Variants in CPN1 observed in about 807,000 individuals in gnomAD.
The protein encoded by CPN1 is carboxypeptidase N catalytic chain.
CPN1 carries 37 observed loss-of-function variants against 46.4 expected under a neutral mutation model. The ratio of observed to expected loss-of-function variants is 0.80; its 90% confidence interval spans 0.61 to 1.05. CPN1 has a LOEUF of 1.05. CPN1 is among the 50% of genes least tolerant of loss of function. The pLI is 0.00. For missense variants in CPN1, 563 were observed against 602.6 expected (o/e 0.93, Z 0.69); for synonymous variants, 224 against 235.4 (o/e 0.95, Z 0.44).
chr10:100,073,014 G>A (rs1033033029), intron 2 of CPN1, among the ~76,000 whole-genome samples: 2 of 152,204 alleles, frequency 1.3e-5, no homozygotes, highest in Admixed American at 6.5e-5. Flanking sequence ...TCTCACAGAT[G>A]AATCGCCGTT....
intron 2 of CPN1, among the ~76,000 whole-genome samples, chr10:100,074,964 C>T (rs147780616): frequency 4.6e-5 from 7 of 152,236 alleles, no homozygotes; most frequent in Admixed American, 1.3e-4. Context: ...ATGTTAGGCA[C>T]GCTGACATTT....
chr10:100,081,697 G>A lies in CPN1; in HGVS notation c.-72C>T. The A allele has an allele frequency of 7.5e-7, 1 of 1,324,580 alleles. No homozygotes were observed. Among genetic ancestry groups the A allele is most frequent in the South Asian group, 1.2e-5 (1 of 81,184 alleles). The allele number at this position is 1,324,580 out of a possible 1,614,324, so 82.1% of individuals were successfully genotyped here. On this transcript the variant is annotated 5_prime_UTR_variant, in exon 1 of 9. Transcript: ENST00000370418. The stretch of plus-strand genomic sequence containing the variant: ...CTTAAACAACCTAGCCTCTTCACCC[G>A]CCAAAATCCAAGGTCCACCTAGCTT...
chr10:100,063,475 A>T, intron 5 of CPN1, 139 bp downstream of exon 5: 1 of 736,148 alleles, frequency 1.4e-6, no homozygotes, highest in Non-Finnish European at 2.5e-6. Flanking sequence ...CCAACCTGAG[A>T]CTTCCTCATT....
At chr10:100,053,964 C>T (rs2041369805) in intron 7 of CPN1, among the ~76,000 whole-genome samples, 1 of 152,136 alleles carries the variant, frequency 6.6e-6, no homozygotes, top group Non-Finnish European at 1.5e-5. Context: ...GTTTCACAGT[C>T]CTCTTTCTAC....
At position 100,065,307 on chromosome 10, in the gene CPN1, T is replaced by C; in HGVS notation, c.640A>G (p.Asn214Asp). 6.2e-7 allele frequency: 1 copy of C among 1,614,056 alleles called. No homozygotes were observed. Among genetic ancestry groups the C allele is most frequent in the Non-Finnish European group, 8.5e-7 (1 of 1,179,972 alleles). Residue 214 changes from asparagine (N) to aspartate (D), a missense_variant, in exon 4 of 9, where the codon AAT (asparagine) becomes GAT (aspartate). By Grantham distance (23) the Asn-to-Asp change is conservative (BLOSUM62 1). Transcript: ENST00000370418. ...GCCACCACCGCCCCTCCGTGGAGATTGGCTGAAAGAACAAAGTTGAAGGAG... is the reference window on the plus strand; with the variant it reads ...GCCACCACCGCCCCTCCGTGGAGATCGGCTGAAAGAACAAAGTTGAAGGAG... ...MHSFNFVLSA[N>D]LHGGAVVANY...
chr10:100,060,182 C>T (rs1304996001), intron 5 of CPN1, among the ~76,000 whole-genome samples: 4 of 152,132 alleles, frequency 2.6e-5, no homozygotes, highest in African/African-American at 9.7e-5. Flanking sequence ...GATGACTGTA[C>T]AACATCACAA....
At chr10:100,074,492 C>T (rs1222720739) in intron 2 of CPN1, among the ~76,000 whole-genome samples, 3 of 152,172 alleles carry the variant, frequency 2.0e-5, no homozygotes, top group African/African-American at 7.2e-5. Context: ...CTCGGCTCAC[C>T]ACAGCCTCCG....
chr10:100,070,965 C>A (rs1008864585), intron 2 of CPN1, among the ~76,000 whole-genome samples: 2 of 152,126 alleles, frequency 1.3e-5, no homozygotes, highest in Non-Finnish European at 2.9e-5. Flanking sequence ...TTCATCCTAG[C>A]GTAGGTAATA....
chr10:100,063,425 C>T (rs1345171868), intron 5 of CPN1, among the ~76,000 whole-genome samples, 189 bp downstream of exon 5: 14 of 152,110 alleles, frequency 9.2e-5, no homozygotes, highest in Admixed American at 9.2e-4. Context: ...CCAGCCATCC[C>T]CACCTTAGTT....
chr10:100,065,286 C>G lies in CPN1; in HGVS notation c.661G>C (p.Val221Leu). ...GACTTGTCATACGGGTAATTGGCCA[C>G]CACCGCCCCTCCGTGGAGATTGGCT... ...LSANLHGGAV[V>L]ANYPYDKSFE... Residue 221 changes from valine to leucine, a missense_variant, in exon 4 of 9, where the codon GTG becomes CTG. Coordinates refer to ENST00000370418, the MANE Select transcript of CPN1 (RefSeq NM_001308.3). 1 of 1,614,136 alleles carries G rather than the reference C, an allele frequency of 6.2e-7. No homozygotes were observed. The highest frequency in any genetic ancestry group is 8.5e-7 in the Non-Finnish European group (1 of 1,180,026).
In CPN1 at chr10:100,069,828, T is replaced by C; in HGVS notation, c.462A>G (p.Ala154=). The C allele has an allele frequency of 6.2e-7, 1 of 1,613,976 alleles. No homozygotes were observed. The highest frequency in any genetic ancestry group is 8.5e-7 in the Non-Finnish European group (1 of 1,180,014). The change falls in exon 3 of 9, where the codon GCA becomes GCG. Residue 154 remains alanine (A), a synonymous_variant. Transcript: ENST00000370418. The part of the protein sequence containing the change: ...KPGYLVGRNN[A]NGVDLNRNFP... ...AGTTGCGGTTCAGGTCCACTCCATT[T>C]GCATTGTTCCTGCCAACTAGATACC...
intron 4 of CPN1, 147 bp from the exon 5 acceptor site, chr10:100,063,872 G>A (rs2041436830): frequency 1.4e-6 from 1 of 705,560 alleles, no homozygotes; most frequent in South Asian, 1.5e-5. Flanking sequence ...TAGGATCAGG[G>A]ATAGAAACAG....
In CPN1 at chr10:100,042,417, A is replaced by T. The variant is rs1286244381; in HGVS notation, c.*10T>A. 1 of 1,612,780 alleles carries T rather than the reference A, an allele frequency of 6.2e-7. No homozygotes were observed. The highest frequency in any genetic ancestry group is 8.5e-7 in the Non-Finnish European group (1 of 1,179,976). On this transcript the variant is annotated 3_prime_UTR_variant, in exon 9 of 9. Transcript: ENST00000370418. Reference sequence around the variant, plus strand: ...AAGCCTTTCTGAAGGGTTGCCTGGCACTGTGGGTTTCAGGCAGGGCCTCTC... The same window carrying T: ...AAGCCTTTCTGAAGGGTTGCCTGGCTCTGTGGGTTTCAGGCAGGGCCTCTC...
At chr10:100,042,999 C>T (rs751455707) in intron 8 of CPN1, among the ~76,000 whole-genome samples, 6 of 148,244 alleles carry the variant, frequency 4.0e-5, no homozygotes, top group Non-Finnish European at 5.9e-5. Flanking sequence ...GAGGCTGAGG[C>T]GGTAGAATTG....
Position 100,075,979 on chromosome 10 carries a change from T to C in CPN1, c.352A>G (p.Ile118Val). 1 of 1,614,192 alleles carries C rather than the reference T, an allele frequency of 6.2e-7. No homozygotes were observed. Among genetic ancestry groups the C allele is most frequent in the Non-Finnish European group, 8.5e-7 (1 of 1,180,034 alleles). The change falls in exon 2 of 9, where the codon ATC becomes GTC. Residue 118 changes from isoleucine to valine, a missense_variant. Transcript: ENST00000370418. The stretch of plus-strand genomic sequence containing the variant: ...AGGATGTGAATGCGCGTGTCCTGGA[T>C]GAGCTGGACGATGCGCTGGTTCCTG... Reference protein sequence around the residue: ...RNRNQRIVQLIQDTRIHILPS... With the variant: ...RNRNQRIVQLVQDTRIHILPS...
chr10:100,066,063 C>T (rs1239609926), intron 3 of CPN1, among the ~76,000 whole-genome samples: 1 of 152,058 alleles, frequency 6.6e-6, no homozygotes, highest in African/African-American at 2.4e-5. Flanking sequence ...TCAAGCGATC[C>T]TCCTACCTCA....
At chr10:100,050,380 A>G (rs1374579311) in intron 7 of CPN1, among the ~76,000 whole-genome samples, 1 of 151,762 alleles carries the variant, frequency 6.6e-6, no homozygotes, top group Non-Finnish European at 1.5e-5. Flanking sequence ...CAAACAAACA[A>G]ACAAATCTGT....
At chr10:100,072,072 C>G (rs2041489017) in intron 2 of CPN1, among the ~76,000 whole-genome samples, 1 of 152,182 alleles carries the variant, frequency 6.6e-6, no homozygotes, top group Non-Finnish European at 1.5e-5. Flanking sequence ...CATCCACGTA[C>G]AAGTCTTTGT....
intron 3 of CPN1, among the ~76,000 whole-genome samples, chr10:100,067,068 C>G (rs2041458414): frequency 6.6e-6 from 1 of 152,206 alleles, no homozygotes; most frequent in African/African-American, 2.4e-5. Flanking sequence ...TTTATTACAT[C>G]AGAACATTCT....
Sources: gnomAD v4.1 joint callset for allele counts (sites outside exome capture counted in the v4.1 genomes callset) on GRCh38, gnomAD v4.1.1 for gene constraint, MANE v1.5 for transcripts, NCBI Gene and HGNC (gene_info 2026-07-23, HGNC 2026-07-21) for gene names.